The following PCDHA1 variants were observed in gnomAD, a reference collection of about 807,000 sequenced individuals.
The protein encoded by PCDHA1 is protocadherin alpha 1, also known as protocadherin alpha-1.
A neutral mutation model predicts 61.3 loss-of-function variants in PCDHA1; 42 were observed. The ratio of observed to expected loss-of-function variants is 0.69; its 90% CI spans 0.54 to 0.89. The LOEUF is 0.89. PCDHA1 is among the 40% of genes least tolerant of loss of function. PCDHA1 has a pLI of 0.00. For synonymous variants in PCDHA1, 610 were observed against 553.8 expected (o/e 1.10, Z -1.43); for missense variants, 1,256 against 1,235.3 (o/e 1.02, Z -0.25).
rs116357285 is a variant in PCDHA1, at chr5:140,877,275, C to T, written c.2394+88591C>T. 2.8e-4 allele frequency: 456 copies of T among 1,613,776 alleles called. 1 individual carries two copies. In the African/African-American group the frequency reaches 4.6e-3, roughly 16 times the overall value. Reference sequence around the variant, plus strand: ...AAGTGCGCGCGGTGGACGCTGACTCCGGCTATAACGCTTGGCTGTCCTACG... The same window carrying T: ...AAGTGCGCGCGGTGGACGCTGACTCTGGCTATAACGCTTGGCTGTCCTACG... On this transcript the variant is annotated intron_variant, in intron 1 of 3. Transcript: ENST00000504120.
chr5:140,996,848 G>A (rs560517454), intron 3 of PCDHA1, among the ~76,000 whole-genome samples: 1 of 152,254 alleles, frequency 6.6e-6, no homozygotes, highest in African/African-American at 2.4e-5. Flanking sequence ...TGCATCTTCA[G>A]AATTCTTTAT....
chr5:140,859,624 G>A (rs11749013), intron 1 of PCDHA1: 1 of 160,568 alleles, frequency 6.2e-6, no homozygotes, highest in Non-Finnish European at 1.4e-5. Flanking sequence ...TTCTCTTTGA[G>A]TATGGAGATT....
At chr5:140,797,944 C>A (rs1192439107) in intron 1 of PCDHA1, among the ~76,000 whole-genome samples, 2 of 152,112 alleles carry the variant, frequency 1.3e-5, no homozygotes, top group African/African-American at 2.4e-5. Context: ...CCTCTGCCAC[C>A]CGGGTTCAAG....
At chr5:140,841,198 C>A in intron 1 of PCDHA1, 1 of 1,281,352 alleles carries the variant, frequency 7.8e-7, no homozygotes, top group Non-Finnish European at 1.1e-6. Context: ...TTTTCTCTGA[C>A]AGCATCTGTC....
At chr5:140,829,609 C>T (rs1562309230) in intron 1 of PCDHA1, 3 of 1,612,110 alleles carry the variant, frequency 1.9e-6, no homozygotes, top group Non-Finnish European at 2.5e-6. Flanking sequence ...CGTTGTCGAG[C>T]TACATTTCGG....
At chr5:140,798,399 T>C (rs1181938766) in intron 1 of PCDHA1, among the ~76,000 whole-genome samples, 3 of 152,224 alleles carry the variant, frequency 2.0e-5, no homozygotes, top group Non-Finnish European at 4.4e-5. Context: ...AGAGACCCTC[T>C]CAATTTTGTT....
At chr5:140,863,208 C>T in intron 1 of PCDHA1, 2 of 990,676 alleles carry the variant, frequency 2.0e-6, no homozygotes, top group Non-Finnish European at 3.1e-6. Context: ...TGGCGGAGAG[C>T]AGCCAAGCGA....
chr5:140,857,702 G>A, intron 1 of PCDHA1: 2 of 1,597,414 alleles, frequency 1.3e-6, no homozygotes, highest in East Asian at 2.2e-5. Flanking sequence ...GACGCTGCAG[G>A]TGTTCGTGCT....
At chr5:140,859,607 C>G (rs1218189350) in intron 1 of PCDHA1, 2 of 161,864 alleles carry the variant, frequency 1.2e-5, no homozygotes, top group Non-Finnish European at 2.7e-5. Flanking sequence ...TTACTTTTTT[C>G]TTTCCTTTCT....
chr5:140,961,504 G>T (rs2095618659), intron 1 of PCDHA1, among the ~76,000 whole-genome samples: 1 of 152,112 alleles, frequency 6.6e-6, no homozygotes, highest in African/African-American at 2.4e-5. Flanking sequence ...GGGAGACTTT[G>T]TTTAATGTCT....
At chr5:140,870,627 G>A (rs782093554) in intron 1 of PCDHA1, 17 of 1,612,908 alleles carry the variant, frequency 1.1e-5, no homozygotes, top group Middle Eastern at 1.7e-4. Flanking sequence ...GCTACGTGTC[G>A]GTGCACGCGG....
chr5:140,999,132 T>C (rs1430473415), intron 3 of PCDHA1, among the ~76,000 whole-genome samples: 2 of 152,160 alleles, frequency 1.3e-5, no homozygotes, highest in Non-Finnish European at 2.9e-5. Flanking sequence ...CTGGAAAATG[T>C]CACAGCCGGA....
chr5:140,875,654 C>A lies in PCDHA1; in HGVS notation c.2394+86970C>A, dbSNP rs781924559. The stretch of plus-strand genomic sequence containing the variant: ...GGGCTGGAGCTGGCGGAGCTGGTGC[C>A]GCGCCTGTTCCGGGTGGCGTCCAAA... On this transcript the variant is annotated intron_variant, in intron 1 of 3. Transcript: ENST00000504120. 54 of 1,613,584 alleles carry A rather than the reference C, an allele frequency of 3.3e-5. No homozygotes were observed. Among genetic ancestry groups the A allele is most frequent in the African/African-American group, 1.3e-4 (10 of 74,926 alleles).
At chr5:140,979,078 A>G (rs2240296) in intron 2 of PCDHA1, 71 bp downstream of exon 2, 2 of 1,583,496 alleles carry the variant, frequency 1.3e-6, no homozygotes, top group East Asian at 4.5e-5. Flanking sequence ...CTGCATCTCC[A>G]TAGGCCAGAA....
intron 3 of PCDHA1, among the ~76,000 whole-genome samples, chr5:140,999,427 G>A (rs1405186577): frequency 6.6e-6 from 1 of 152,172 alleles, no homozygotes; most frequent in Non-Finnish European, 1.5e-5. Flanking sequence ...AAGAGGCCAA[G>A]TACCTTGCCT....
chr5:140,875,984 C>T (rs2056022183), intron 1 of PCDHA1: 1 of 1,613,870 alleles, frequency 6.2e-7, no homozygotes, highest in East Asian at 2.2e-5. Flanking sequence ...TTGACCTATG[C>T]GTTAAGTCTA....
intron 1 of PCDHA1, among the ~76,000 whole-genome samples, chr5:140,789,951 A>T (rs1379251725): frequency 1.3e-5 from 2 of 152,258 alleles, no homozygotes; most frequent in Admixed American, 1.3e-4. Context: ...GCAAATTATT[A>T]AAAAATCTGC....
Position 140,849,547 on chromosome 5 carries a change from C to G in PCDHA1, c.2394+60863C>G, listed in dbSNP as rs2150440099. On this transcript the variant is annotated intron_variant, in intron 1 of 3. Transcript: ENST00000504120. ...GTAAATGACAATGCTCCACAGTTGA[C>G]TATCAAAACGCTCTCGGTTCCTGTA... 5.0e-6 allele frequency: 8 copies of G among 1,598,384 alleles called. No individual in the cohort carries two copies. The South Asian group carries it at 8.8e-5, about 18-fold the overall frequency.
intron 1 of PCDHA1, among the ~76,000 whole-genome samples, chr5:140,792,460 G>A (rs1360986087): frequency 6.6e-6 from 1 of 152,160 alleles, no homozygotes; most frequent in Admixed American, 6.5e-5. Flanking sequence ...GATATCAAGT[G>A]CAGTGGGAGG....
Sources: allele counts gnomAD v4.1 joint callset (sites outside exome capture counted in the v4.1 genomes callset), GRCh38; gene constraint gnomAD v4.1.1; transcripts MANE v1.5; gene names NCBI Gene and HGNC (gene_info 2026-07-23, HGNC 2026-07-21).